Variants in LSAMP observed in about 807,000 individuals in gnomAD.
The protein encoded by LSAMP is limbic system associated membrane protein.
In LSAMP, 7 loss-of-function variants were observed where a neutral mutation model predicts 38.6. The ratio of observed to expected loss-of-function variants is 0.18; its 90% CI spans 0.10 to 0.34. The LOEUF (loss-of-function observed/expected upper bound fraction) is 0.34, where lower values mean the gene tolerates loss of function less well. Ranked by LOEUF, LSAMP falls within the 10% of genes least tolerant of loss-of-function variation. The pLI, the probability that LSAMP is intolerant of heterozygous loss-of-function variation, is 1.00. For synonymous variants in LSAMP, 154 were observed against 166.8 expected (o/e 0.92, Z 0.59); for missense variants, 313 against 420.0 (o/e 0.75, Z 2.23).
chr3:116,080,490 GTAAT>G (rs1188246829), intron 2 of LSAMP, among the ~76,000 whole-genome samples: 5 of 152,238 alleles, frequency 3.3e-5, no homozygotes, highest in Non-Finnish European at 5.9e-5. Context: ...TTTGGAGATA[GTAAT>G]TAATTATGCT....
chr3:116,014,987 T>C (rs1478439529), intron 3 of LSAMP, among the ~76,000 whole-genome samples: 1 of 152,124 alleles, frequency 6.6e-6, no homozygotes. Context: ...GAATTGAAAG[T>C]GGAATCTCAG....
chr3:116,027,439 C>A (rs1218813264), intron 2 of LSAMP, among the ~76,000 whole-genome samples: 1 of 152,126 alleles, frequency 6.6e-6, no homozygotes, highest in African/African-American at 2.4e-5. Flanking sequence ...TCCTTCAATT[C>A]TGTGTTATTT....
intron 6 of LSAMP, among the ~76,000 whole-genome samples, chr3:115,824,587 A>G (rs994883184): frequency 1.3e-5 from 2 of 151,998 alleles, no homozygotes; most frequent in Non-Finnish European, 2.9e-5. Flanking sequence ...CTGTAATCCC[A>G]GCTACTCGGG....
chr3:116,041,059 G>A (rs949588089), intron 2 of LSAMP, among the ~76,000 whole-genome samples: 2 of 152,150 alleles, frequency 1.3e-5, no homozygotes, highest in Admixed American at 6.5e-5. Context: ...GAGTAGCTGG[G>A]ACCATAGGTG....
intron 2 of LSAMP, among the ~76,000 whole-genome samples, chr3:116,076,327 G>C (rs896935746): frequency 7.9e-5 from 12 of 152,002 alleles, no homozygotes; most frequent in African/African-American, 2.7e-4. Context: ...GCGCGGTCTT[G>C]GCTCACTGCA....
intron 1 of LSAMP, among the ~76,000 whole-genome samples, chr3:116,107,302 G>C (rs1708490269): frequency 6.6e-6 from 1 of 152,178 alleles, no homozygotes. Context: ...TCAGGTATGA[G>C]GAAGAAAATA....
At chr3:115,828,207 G>A (rs1934488278) in intron 6 of LSAMP, among the ~76,000 whole-genome samples, 1 of 152,166 alleles carries the variant, frequency 6.6e-6, no homozygotes. Context: ...AAATATGGTG[G>A]AAAATGTAGA....
chr3:116,364,179 TC>T (rs2048325990), intron 1 of LSAMP, among the ~76,000 whole-genome samples: 1 of 58,240 alleles, frequency 1.7e-5, no homozygotes, highest in African/African-American at 1.4e-4. Flanking sequence ...GGATACAAAA[TC>T]AGTGTACAAA....
intron 1 of LSAMP, among the ~76,000 whole-genome samples, chr3:116,417,037 T>C (rs2049060243): frequency 6.6e-6 from 1 of 152,176 alleles, no homozygotes; most frequent in Admixed American, 6.5e-5. Context: ...TTGGATGCAG[T>C]TTGTAATTTA....
rs1045293438 is a variant in LSAMP, at chr3:116,244,285, T to C, written c.156-157729A>G. ...TTGAAATGTTCTACTTTATATCTTT[T>C]TCAATGACAATACCACTTCAATTTT... On this transcript the variant is annotated intron_variant, in intron 1 of 6. Coordinates refer to ENST00000490035, the MANE Select transcript of LSAMP (RefSeq NM_002338.5). Among the ~76,000 whole-genome samples the C allele has an allele frequency of 2.6e-5, 4 of 152,212 alleles. 1 individual carries two copies. The highest frequency in any genetic ancestry group is 5.9e-5 in the Non-Finnish European group (4 of 68,046).
In LSAMP at chr3:116,240,056, G is replaced by C. The variant is rs139422419; in HGVS notation, c.156-153500C>G. On this transcript the variant is annotated intron_variant, in intron 1 of 6. Transcript: ENST00000490035. Reference sequence around the variant, plus strand: ...ACTTAGCAACATAATAATTCTTCATGTACTTACAAAATCTATATATACACA... The same window carrying C: ...ACTTAGCAACATAATAATTCTTCATCTACTTACAAAATCTATATATACACA... Among the ~76,000 whole-genome samples the C allele has an allele frequency of 2.7e-3, 405 of 152,210 alleles. 6 individuals carry two copies. The highest frequency in any genetic ancestry group is 0.017 in the Admixed American group (257 of 15,284).
At chr3:116,140,492 C>A (rs1437848674) in intron 1 of LSAMP, among the ~76,000 whole-genome samples, 1 of 151,982 alleles carries the variant, frequency 6.6e-6, no homozygotes, top group African/African-American at 2.4e-5. Flanking sequence ...GAAGATTAAT[C>A]TTGTTCTGAA....
At chr3:115,842,426 G>A in intron 5 of LSAMP, 32 bp downstream of exon 5, 1 of 1,609,844 alleles carries the variant, frequency 6.2e-7, no homozygotes, top group Non-Finnish European at 8.5e-7. Flanking sequence ...CCATGCAGTG[G>A]AGTCATGGGG....
intron 3 of LSAMP, among the ~76,000 whole-genome samples, chr3:115,900,144 G>T (rs1936837298): frequency 6.6e-6 from 1 of 152,166 alleles, no homozygotes; most frequent in African/African-American, 2.4e-5. Flanking sequence ...TGACCTTAAA[G>T]ATATTATTCT....
chr3:116,299,660 C>A (rs989231619), intron 1 of LSAMP, among the ~76,000 whole-genome samples: 2 of 152,162 alleles, frequency 1.3e-5, no homozygotes, highest in Non-Finnish European at 2.9e-5. Context: ...GACCATTAGA[C>A]CACATCAGCA....
At chr3:115,929,475 T>G (rs187939892) in intron 3 of LSAMP, among the ~76,000 whole-genome samples, 3 of 152,146 alleles carry the variant, frequency 2.0e-5, no homozygotes, top group Admixed American at 1.3e-4. Context: ...AAAAATTCCC[T>G]TCTTTAGTTT....
chr3:116,127,967 A>C (rs572440517), intron 1 of LSAMP, among the ~76,000 whole-genome samples: 2 of 152,212 alleles, frequency 1.3e-5, no homozygotes, highest in East Asian at 3.9e-4. Flanking sequence ...CAGGTTCTTC[A>C]AGTCTTAGTT....
intron 3 of LSAMP, among the ~76,000 whole-genome samples, chr3:115,863,271 C>G (rs1386768769): frequency 6.6e-6 from 1 of 152,190 alleles, no homozygotes; most frequent in Non-Finnish European, 1.5e-5. Flanking sequence ...GTCCACAAGA[C>G]TCTCTTACCC....
chr3:116,400,234 C>A (rs1489500187), intron 1 of LSAMP, among the ~76,000 whole-genome samples: 1 of 152,108 alleles, frequency 6.6e-6, no homozygotes, highest in Non-Finnish European at 1.5e-5. Flanking sequence ...CTTTAGTCCA[C>A]TAGATGGGCA....
Sources: allele counts gnomAD v4.1 joint callset (sites outside exome capture counted in the v4.1 genomes callset), GRCh38; gene constraint gnomAD v4.1.1; transcripts MANE v1.5; gene names NCBI Gene and HGNC (gene_info 2026-07-23, HGNC 2026-07-21).